The following IQCM variants were observed in gnomAD, a reference collection of about 807,000 sequenced individuals.
The protein encoded by IQCM is IQ domain-containing protein M.
A neutral mutation model predicts 57.6 loss-of-function variants in IQCM; 45 were observed. The ratio of observed to expected loss-of-function variants is 0.78; its 90% confidence interval spans 0.62 to 1.00. The LOEUF is 1.00. IQCM is among the 50% of genes least tolerant of loss of function. IQCM has a pLI of 0.00. For missense variants in IQCM, 468 were observed against 511.6 expected, an observed-to-expected ratio of 0.91 and a Z score of 0.82; for synonymous variants, 148 against 158.9, an observed-to-expected ratio of 0.93 and a Z score of 0.51.
chr4:149,646,355 T>C (rs1271895342), intron 7 of IQCM, among the ~76,000 whole-genome samples: 1 of 151,960 alleles, frequency 6.6e-6, no homozygotes, highest in East Asian at 1.9e-4. Context: ...TTTGAATGCA[T>C]CATGGATTCT....
intron 8 of IQCM, among the ~76,000 whole-genome samples, chr4:149,600,344 A>T (rs1245648968): frequency 1.3e-5 from 2 of 152,170 alleles, no homozygotes; most frequent in Admixed American, 6.5e-5. Flanking sequence ...TCCTGAGGAA[A>T]CTGAAAAATT....
chr4:149,639,467 A>T (rs1245560355), intron 7 of IQCM, among the ~76,000 whole-genome samples: 1 of 151,492 alleles, frequency 6.6e-6, no homozygotes. Context: ...GGAGAAGGAG[A>T]AGAAGAAGAC....
At chr4:149,625,746 T>C (rs1321273124) in intron 7 of IQCM, among the ~76,000 whole-genome samples, 1 of 152,108 alleles carries the variant, frequency 6.6e-6, no homozygotes, top group African/African-American at 2.4e-5. Flanking sequence ...TATGTCCAGC[T>C]TCTAGGGAGA....
chr4:149,483,617 T>C (rs1425736556), intron 12 of IQCM, among the ~76,000 whole-genome samples: 2 of 151,998 alleles, frequency 1.3e-5, no homozygotes, highest in Admixed American at 6.6e-5. Context: ...TTTTATTCTA[T>C]TGTGGGAAGA....
chr4:149,696,797 T>C lies in IQCM; in HGVS notation c.386-10329A>G, dbSNP rs1763373430. On this transcript the variant is annotated intron_variant, in intron 5 of 13. Coordinates refer to ENST00000636793, the MANE Select transcript of IQCM (RefSeq NM_001363507.2). ...GTCTTTTCTTGGTAGATCAAAAAAG[T>C]GTAAGAGACAAGATAAACTACTATG... 2.0e-5 allele frequency among the ~76,000 whole-genome samples: 3 copies of C among 152,058 alleles called. 1 individual carries two copies. The South Asian group carries it at 6.2e-4, about 32-fold the overall frequency.
intron 12 of IQCM, among the ~76,000 whole-genome samples, chr4:149,530,792 C>T (rs1746654509): frequency 3.9e-4 from 1 of 2,582 alleles, no homozygotes; most frequent in Non-Finnish European, 1.7e-3. Flanking sequence ...CACAGACACC[C>T]CCACCCCCCC....
In IQCM at chr4:149,498,071, C is replaced by T. The variant is rs553059204; in HGVS notation, c.1228+50384G>A. Reference sequence around the variant, plus strand: ...GTTAGAACTGGCCCTACCACCATTACCCTGTACCCAACTCCAGGTCCACCC... The same window carrying T: ...GTTAGAACTGGCCCTACCACCATTATCCTGTACCCAACTCCAGGTCCACCC... On this transcript the variant is annotated intron_variant, in intron 12 of 13. Coordinates refer to ENST00000636793, the MANE Select transcript of IQCM (RefSeq NM_001363507.2). 4.6e-5 allele frequency among the ~76,000 whole-genome samples: 7 copies of T among 152,244 alleles called. 1 individual carries two copies. In the South Asian group the frequency reaches 1.4e-3, roughly 31 times the overall value.
chr4:149,615,250 A>T (rs1309687543), intron 8 of IQCM, among the ~76,000 whole-genome samples: 1 of 152,160 alleles, frequency 6.6e-6, no homozygotes, highest in East Asian at 1.9e-4. Context: ...TGCCTCAAGA[A>T]AGTTGGAGAT....
At chr4:149,492,047 A>G (rs1475592794) in intron 12 of IQCM, among the ~76,000 whole-genome samples, 1 of 151,782 alleles carries the variant, frequency 6.6e-6, no homozygotes, top group African/African-American at 2.4e-5. Context: ...GGTCATTTGT[A>G]TGTCTTCTTT....
chr4:149,806,872 ACT>A (rs1345043739), intron 2 of IQCM, among the ~76,000 whole-genome samples: 4 of 151,882 alleles, frequency 2.6e-5, no homozygotes, highest in Non-Finnish European at 5.9e-5. Flanking sequence ...TATATTTGAC[ACT>A]GACAGTGATC....
chr4:149,511,509 C>T (rs1360577315), intron 12 of IQCM, among the ~76,000 whole-genome samples: 1 of 150,590 alleles, frequency 6.6e-6, no homozygotes, highest in Non-Finnish European at 1.5e-5. Context: ...GCCTGGGTGG[C>T]AGAATGAGAC....
chr4:149,400,212 T>G (rs533093299), intron 13 of IQCM, among the ~76,000 whole-genome samples: 13 of 152,174 alleles, frequency 8.5e-5, no homozygotes, highest in Middle Eastern at 3.4e-3. Flanking sequence ...GGTTTTTTTT[T>G]TTTGTTTGGG....
chr4:149,754,591 T>C (rs1049892722), intron 2 of IQCM, among the ~76,000 whole-genome samples: 1 of 152,194 alleles, frequency 6.6e-6, no homozygotes, highest in Admixed American at 6.5e-5. Context: ...ATTTTATCAC[T>C]GTCTCCTTCT....
intron 2 of IQCM, 115 bp downstream of exon 2, chr4:149,815,196 G>C (rs1274080014): frequency 2.6e-5 from 4 of 151,880 alleles, no homozygotes; most frequent in East Asian, 1.9e-4. Flanking sequence ...AGCTACATGG[G>C]GGGTATAGTT....
At chr4:149,370,509 A>G (rs1399054755) in intron 13 of IQCM, among the ~76,000 whole-genome samples, 1 of 133,294 alleles carries the variant, frequency 7.5e-6, no homozygotes, top group African/African-American at 2.7e-5. Context: ...CATCATTTGC[A>G]TATATATATA....
chr4:149,599,796 T>A (rs777087191), intron 8 of IQCM, among the ~76,000 whole-genome samples: 4 of 152,188 alleles, frequency 2.6e-5, no homozygotes, highest in Non-Finnish European at 5.9e-5. Context: ...TGCCAGGTGT[T>A]AATTACTTTA....
At chr4:149,401,229 T>C (rs1732599232) in intron 13 of IQCM, among the ~76,000 whole-genome samples, 1 of 151,854 alleles carries the variant, frequency 6.6e-6, no homozygotes, top group Non-Finnish European at 1.5e-5. Flanking sequence ...GCAAATATTC[T>C]ATGAATTCAC....
intron 2 of IQCM, among the ~76,000 whole-genome samples, chr4:149,810,747 G>T (rs1774498597): frequency 6.6e-6 from 1 of 152,088 alleles, no homozygotes; most frequent in Non-Finnish European, 1.5e-5. Flanking sequence ...ACCATGCCCA[G>T]CCCAAAACAT....
chr4:149,506,938 G>T (rs1211697934), intron 12 of IQCM, among the ~76,000 whole-genome samples: 1 of 152,178 alleles, frequency 6.6e-6, no homozygotes, highest in Admixed American at 6.5e-5. Flanking sequence ...GATAAGGTTG[G>T]CTGTGCCCCC....
Sources: gnomAD v4.1 joint callset for allele counts (sites outside exome capture counted in the v4.1 genomes callset) on GRCh38, gnomAD v4.1.1 for gene constraint, MANE v1.5 for transcripts, NCBI Gene and HGNC (gene_info 2026-07-23, HGNC 2026-07-21) for gene names.